The following FGF13 variants were observed in gnomAD, a reference collection of about 807,000 sequenced individuals.
FGF13 encodes fibroblast growth factor homologous factor 2.
Under a neutral mutation model 19.5 loss-of-function variants are expected in FGF13, and 2 were observed. That is an observed-to-expected ratio of 0.10 (90% CI 0.04 to 0.32). The LOEUF (loss-of-function observed/expected upper bound fraction) is 0.32, where lower values mean the gene tolerates loss of function less well. Among genes scored for constraint, FGF13 ranks in the 10% least tolerant of loss-of-function variants. The pLI, the probability that FGF13 is intolerant of heterozygous loss-of-function variation, is 1.00. For synonymous variants in FGF13, 72 were observed against 76.9 expected, an observed-to-expected ratio of 0.94 and a Z score of 0.33; for missense variants, 113 against 192.7, an observed-to-expected ratio of 0.59 and a Z score of 2.45.
At chrX:139,148,046 A>C (rs187286178) in intron 1 of FGF13, among the ~76,000 whole-genome samples, 29 of 111,698 alleles carry the variant, frequency 2.6e-4, no homozygotes, top group Non-Finnish European at 4.9e-4. Context: ...AGTAAGTGAC[A>C]GGCTCATGTG....
chrX:139,147,743 G>A (rs895326996), intron 1 of FGF13, among the ~76,000 whole-genome samples: 10 of 110,671 alleles, frequency 9.0e-5, no homozygotes, highest in African/African-American at 3.3e-4. Context: ...GTATGTCTCC[G>A]TGCGTCTCCA....
chrX:138,790,089 C>T (rs915849341), intron 3 of FGF13, among the ~76,000 whole-genome samples: 1 of 98,642 alleles, frequency 1.0e-5, no homozygotes, highest in Non-Finnish European at 2.1e-5. Context: ...CACACACATG[C>T]TGGCACCATG....
intron 3 of FGF13, among the ~76,000 whole-genome samples, chrX:138,789,734 A>G (rs953136242): frequency 5.5e-5 from 6 of 109,751 alleles, no homozygotes; most frequent in African/African-American, 2.0e-4. Context: ...AAAGGACCAT[A>G]GATGGAGTGG....
intron 1 of FGF13, among the ~76,000 whole-genome samples, chrX:139,096,442 A>T (rs2083470760): frequency 8.9e-6 from 1 of 111,792 alleles, no homozygotes; most frequent in Non-Finnish European, 1.9e-5. Context: ...TTAAGAATAT[A>T]TCAGGAGAAG....
At chrX:138,936,273 T>A (rs751763408) in intron 1 of FGF13, among the ~76,000 whole-genome samples, 32 of 112,055 alleles carry the variant, frequency 2.9e-4, no homozygotes, top group Admixed American at 2.1e-3. Flanking sequence ...CCCTTAGTAA[T>A]CTTACTGATG....
rs2089081782 is a variant in FGF13 at position 138,628,042 on chromosome X, G to A, written c.*4808C>T. 9.0e-6 allele frequency: 1 copy of A among 111,508 alleles called. No homozygotes were observed. The highest frequency in any genetic ancestry group is 3.8e-4 in the South Asian group (1 of 2,643). 9.2% of individuals were successfully genotyped at this position (111,508 alleles called of 1,213,427 possible). On this transcript the variant is annotated 3_prime_UTR_variant, in exon 5 of 5. Transcript: ENST00000315930. Reference sequence around the variant, plus strand: ...GTAACAGTGTTTAAAGATTACAAAGGCCCAGAAAATGTGATGGTTCATGAA... The same window carrying A: ...GTAACAGTGTTTAAAGATTACAAAGACCCAGAAAATGTGATGGTTCATGAA...
chrX:139,091,413 A>G (rs1363937787), intron 1 of FGF13, among the ~76,000 whole-genome samples: 3 of 111,629 alleles, frequency 2.7e-5, no homozygotes, highest in Non-Finnish European at 5.6e-5. Context: ...CAGGATCTCA[A>G]AGTATTTGCA....
chrX:139,132,070 CT>C (rs946048550), intron 1 of FGF13, among the ~76,000 whole-genome samples: 2 of 111,926 alleles, frequency 1.8e-5, no homozygotes, highest in African/African-American at 3.2e-5. Context: ...TGTGTTTTCT[CT>C]TTTTTTAGTT....
chrX:138,871,475 G>C (rs141127280), intron 1 of FGF13, among the ~76,000 whole-genome samples: 1,287 of 112,138 alleles, frequency 0.011, 10 homozygotes, highest in Non-Finnish European at 0.017. Context: ...ACCTCCAAGG[G>C]TATCTGAGTC....
At chrX:139,130,467 A>T (rs5929976) in intron 1 of FGF13, among the ~76,000 whole-genome samples, 34,526 of 111,251 alleles carry the variant, frequency 0.31, 4,525 homozygotes, top group African/African-American at 0.51. Flanking sequence ...GCTTTGAATT[A>T]CATGACATTG....
chrX:138,951,490 C>CA (rs907196069), intron 1 of FGF13, among the ~76,000 whole-genome samples: 5 of 110,118 alleles, frequency 4.5e-5, no homozygotes, highest in Non-Finnish European at 7.6e-5. Flanking sequence ...AAAAAATATT[C>CA]AAAAAAAATA....
chrX:138,803,679 A>G (rs1418564537), intron 3 of FGF13, among the ~76,000 whole-genome samples: 1 of 112,185 alleles, frequency 8.9e-6, no homozygotes, highest in Non-Finnish European at 1.9e-5. Flanking sequence ...AGTGTATGAA[A>G]CTGGTAAGAT....
At chrX:138,703,588 T>C (rs1315450744) in intron 2 of FGF13, among the ~76,000 whole-genome samples, 1 of 112,661 alleles carries the variant, frequency 8.9e-6, no homozygotes, top group Non-Finnish European at 1.9e-5. Context: ...AGTCCTAGAC[T>C]TTTAGAAGAG....
At chrX:139,114,435 G>A (rs956850235) in intron 1 of FGF13, among the ~76,000 whole-genome samples, 2 of 111,654 alleles carry the variant, frequency 1.8e-5, no homozygotes, top group Admixed American at 1.9e-4. Context: ...TCCAGGTCAG[G>A]GGATAGGACT....
chrX:138,922,405 G>C (rs1241106645), intron 1 of FGF13, among the ~76,000 whole-genome samples: 1 of 111,475 alleles, frequency 9.0e-6, no homozygotes, highest in Non-Finnish European at 1.9e-5. Context: ...GCCTGCATAG[G>C]GCTCTGCACG....
chrX:138,747,849 T>A (rs1233472552), intron 3 of FGF13, among the ~76,000 whole-genome samples: 1 of 111,268 alleles, frequency 9.0e-6, no homozygotes, highest in African/African-American at 3.3e-5. Flanking sequence ...TAGGCAAGGG[T>A]TCTTTGAGGG....
intron 1 of FGF13, among the ~76,000 whole-genome samples, chrX:139,017,236 T>C (rs1167008729): frequency 7.3e-5 from 8 of 109,144 alleles, no homozygotes; most frequent in Non-Finnish European, 1.1e-4. Flanking sequence ...GTTATATAGA[T>C]TGCATTGAAA....
chrX:138,953,602 C>G (rs1009570403), intron 1 of FGF13, among the ~76,000 whole-genome samples: 1 of 111,544 alleles, frequency 9.0e-6, no homozygotes, highest in Non-Finnish European at 1.9e-5. Flanking sequence ...AAACATCTGT[C>G]TGCAAAAATA....
downstream of FGF13, among the ~76,000 whole-genome samples, chrX:138,856,693 A>C (rs1263491442): frequency 8.9e-6 from 1 of 112,138 alleles, no homozygotes; most frequent in African/African-American, 3.2e-5. Context: ...TTTACATTAT[A>C]ATTCTCAGAA....
Sources: gnomAD v4.1 joint callset for allele counts (sites outside exome capture counted in the v4.1 genomes callset) on GRCh38, gnomAD v4.1.1 for gene constraint, MANE v1.5 for transcripts, NCBI Gene and HGNC (gene_info 2026-07-23, HGNC 2026-07-21) for gene names.